Variants in SLIT1 observed in about 807,000 individuals in gnomAD.
SLIT1 encodes slit homolog 1 protein.
SLIT1 carries 66 observed loss-of-function variants against 186.1 expected under a neutral mutation model. That is an observed-to-expected ratio of 0.35 (90% CI 0.29 to 0.44). The LOEUF (loss-of-function observed/expected upper bound fraction) is 0.44. Among genes scored for constraint, SLIT1 ranks in the 20% least tolerant of loss-of-function variants. The probability of loss-of-function intolerance (pLI) is 1.00; values close to 1 mark genes in which losing one functional copy is unlikely to be tolerated. For synonymous variants in SLIT1, 761 were observed against 833.8 expected (o/e 0.91, Z 1.50); for missense variants, 1,638 against 2,037.4 (o/e 0.80, Z 3.77).
Position 97,056,309 on chromosome 10 carries a change from C to T in SLIT1, c.1301+12G>A, listed in dbSNP as rs1848835865. On this transcript the variant is annotated intron_variant, in intron 13 of 36. Transcript: ENST00000266058. ...CTGGGAGGGGAGAAGAAGAAGGCAT[C>T]AGGGCACTCACAGAGTCTGGATGGC... 1 of 1,613,684 alleles carries T rather than the reference C, an allele frequency of 6.2e-7. No homozygotes were observed. Among genetic ancestry groups the T allele is most frequent in the Admixed American group, 1.7e-5 (1 of 59,990 alleles).
chr10:97,000,741 T>G lies in SLIT1; in HGVS notation c.*371A>C. ...TGGGCCACAGGCCAAAGGGAAGGGTTGGTTTGGAAGGCTGTCATTTTTCTT... is the reference window on the plus strand; with the variant it reads ...TGGGCCACAGGCCAAAGGGAAGGGTGGGTTTGGAAGGCTGTCATTTTTCTT... On this transcript the variant is annotated 3_prime_UTR_variant, in exon 37 of 37. Coordinates refer to ENST00000266058, the MANE Select transcript of SLIT1 (RefSeq NM_003061.3). 5.0e-6 allele frequency: 1 copy of G among 201,230 alleles called. No individual in the cohort carries two copies. The highest frequency in any genetic ancestry group is 1.0e-5 in the Non-Finnish European group (1 of 99,398). 12.5% of individuals were successfully genotyped at this position (201,230 alleles called of 1,614,324 possible).
At chr10:97,113,984 G>A (rs540642106) in intron 4 of SLIT1, among the ~76,000 whole-genome samples, 4 of 152,264 alleles carry the variant, frequency 2.6e-5, no homozygotes, top group South Asian at 4.1e-4. Context: ...GGCATTGAGG[G>A]GAAGACATCC....
At chr10:97,014,406 T>C (rs1848437131) in intron 28 of SLIT1, among the ~76,000 whole-genome samples, 1 of 152,000 alleles carries the variant, frequency 6.6e-6, no homozygotes, top group African/African-American at 2.4e-5. Flanking sequence ...CAGGATGGTG[T>C]AAGCACTGAA....
chr10:97,004,603 T>C lies in SLIT1; in HGVS notation c.3710+90A>G, dbSNP rs1189024173. ...CTCAGGCAGCCCAGGTTTCTAGAGGTCTCGATAACCACCTGCTTTTGGCCC... is the reference window on the plus strand; with the variant it reads ...CTCAGGCAGCCCAGGTTTCTAGAGGCCTCGATAACCACCTGCTTTTGGCCC... On this transcript the variant is annotated intron_variant, in intron 33 of 36. Coordinates refer to ENST00000266058, the MANE Select transcript of SLIT1 (RefSeq NM_003061.3). This position sits in a 1 kb window ranked among gnomAD's most constrained non-coding sequence, Gnocchi z 5.1. 5.4e-6 allele frequency: 8 copies of C among 1,489,082 alleles called. No individual in the cohort carries two copies. Among genetic ancestry groups the C allele is most frequent in the Non-Finnish European group, 7.4e-6 (8 of 1,078,220 alleles). The allele number at this position is 1,489,082 out of a possible 1,614,324, so 92.2% of individuals were successfully genotyped here. A position where few individuals can be genotyped will look rare whatever the true frequency, so the allele number is the denominator to read the frequency against.
chr10:97,170,553 G>A (rs1239422468), intron 1 of SLIT1, among the ~76,000 whole-genome samples: 2 of 152,178 alleles, frequency 1.3e-5, no homozygotes, highest in Non-Finnish European at 2.9e-5. Context: ...TTCCCTGCAG[G>A]ACCCAGGAAG....
chr10:97,178,894 A>T (rs1589424245), intron 1 of SLIT1, among the ~76,000 whole-genome samples: 1 of 152,204 alleles, frequency 6.6e-6, no homozygotes, highest in African/African-American at 2.4e-5. Context: ...GTTTTTTAAA[A>T]TTTAACAAAA....
intron 21 of SLIT1, 123 bp downstream of exon 21, chr10:97,039,865 C>A: frequency 9.3e-7 from 1 of 1,076,240 alleles, no homozygotes; most frequent in Admixed American, 2.8e-5. Context: ...AGCTCCTAGT[C>A]AGCTAATGCC....
In SLIT1 at chr10:97,043,700, T is replaced by G. The variant is rs1848711083; in HGVS notation, c.1854-187A>C. Among the ~76,000 whole-genome samples, 1 of 151,900 alleles carries G rather than the reference T, an allele frequency of 6.6e-6. No homozygotes were observed. ...GCGAGTTTTACACACCTGTGCCCAC[T>G]CCAGACCCGCCCCCGCCTCTGAGAA... On this transcript the variant is annotated intron_variant, in intron 18 of 36. Coordinates refer to ENST00000266058, the MANE Select transcript of SLIT1 (RefSeq NM_003061.3). The surrounding 1 kb of genome is among the most constrained non-coding windows in gnomAD (Gnocchi z 7.0).
intron 4 of SLIT1, among the ~76,000 whole-genome samples, chr10:97,113,890 G>A (rs1471627183): frequency 6.6e-6 from 1 of 152,138 alleles, no homozygotes; most frequent in East Asian, 1.9e-4. Context: ...TCTTCCAAAG[G>A]GTGGCCTGAC....
chr10:97,173,499 T>C (rs1269575428), intron 1 of SLIT1, among the ~76,000 whole-genome samples: 11 of 148,190 alleles, frequency 7.4e-5, no homozygotes, highest in Admixed American at 6.7e-4. Flanking sequence ...CCATCCTTTT[T>C]TTTTTTTTTT....
chr10:97,173,997 G>A (rs180970262), intron 1 of SLIT1, among the ~76,000 whole-genome samples: 12 of 152,260 alleles, frequency 7.9e-5, no homozygotes, highest in East Asian at 7.7e-4. Flanking sequence ...CAATATCAGC[G>A]CTTCCTTCTG....
intron 1 of SLIT1, among the ~76,000 whole-genome samples, chr10:97,166,623 G>GAAAAAGAAAGAAAGAGAAA (rs3979552): frequency 2.3e-5 from 1 of 42,678 alleles, no homozygotes; most frequent in African/African-American, 9.6e-5. Flanking sequence ...AAGAAAGAAA[G>GAAAAAGAAAGAAAGAGAAA]AGAAAAGAAA....
At chr10:97,146,724 T>G (rs2134708776) in intron 4 of SLIT1, among the ~76,000 whole-genome samples, 2 of 152,294 alleles carry the variant, frequency 1.3e-5, no homozygotes, top group Middle Eastern at 6.8e-3. Flanking sequence ...TCCATGAAGC[T>G]GGAGCCCAGC....
In SLIT1 at chr10:97,000,811, ACTT is replaced by A; in HGVS notation, c.*298_*300del. On this transcript the variant is annotated 3_prime_UTR_variant, in exon 37 of 37. Coordinates refer to ENST00000266058, the MANE Select transcript of SLIT1 (RefSeq NM_003061.3). ...GTAAGGAGGGGTGTCATCGTTCTGC[ACTT>A]CTTGGCCTGACCTCACGCACACATT... is the stretch of plus-strand genomic sequence containing the variant. 5.4e-6 allele frequency: 2 copies of A among 367,954 alleles called. No homozygotes were observed. The highest frequency in any genetic ancestry group is 9.0e-5 in the South Asian group (2 of 22,202). The allele number at this position is 367,954 out of a possible 1,614,324, so 22.8% of individuals were successfully genotyped here.
Position 97,043,279 on chromosome 10 carries a change from C to T in SLIT1, c.1997+91G>A, listed in dbSNP as rs1564660340. 1 of 1,532,556 alleles carries T rather than the reference C, an allele frequency of 6.5e-7. No homozygotes were observed. The highest frequency in any genetic ancestry group is 2.3e-5 in the East Asian group (1 of 44,440). 94.9% of individuals were successfully genotyped at this position (1,532,556 alleles called of 1,614,324 possible). On this transcript the variant is annotated intron_variant, in intron 19 of 36. Coordinates refer to ENST00000266058, the MANE Select transcript of SLIT1 (RefSeq NM_003061.3). The surrounding 1 kb of genome is among the most constrained non-coding windows in gnomAD (Gnocchi z 7.0). ...CAGCAAACCACGAAGACCCAGCACC[C>T]CCAGGGTGAGCTCTTTCAAAGTGGC... is the stretch of plus-strand genomic sequence containing the variant.
intron 31 of SLIT1, among the ~76,000 whole-genome samples, chr10:97,008,849 T>C (rs1042614417): frequency 6.6e-6 from 1 of 151,562 alleles, no homozygotes; most frequent in East Asian, 1.9e-4. Context: ...CAAAACAATC[T>C]TTTTTTATTT....
intron 22 of SLIT1, among the ~76,000 whole-genome samples, chr10:97,037,355 C>T (rs1474333742): frequency 6.6e-6 from 1 of 152,110 alleles, no homozygotes; most frequent in African/African-American, 2.4e-5. Flanking sequence ...TCCGCCTCAG[C>T]CTCCCAAAGT....
chr10:97,103,176 G>A (rs1459059186), intron 4 of SLIT1: 2 of 152,302 alleles, frequency 1.3e-5, no homozygotes, highest in Non-Finnish European at 1.5e-5. Flanking sequence ...GTACATCAGG[G>A]AGTCCAAGAG....
In SLIT1 at chr10:97,018,586, G is replaced by A. The variant is rs760582973; in HGVS notation, c.2969C>T (p.Thr990Met). The change falls in exon 28 of 37, where the codon ACG becomes ATG. Residue 990 changes from threonine (T) to methionine (M), a missense_variant and splice_region_variant. Physicochemically the swap from Thr to Met is moderately conservative, Grantham distance 81 (BLOSUM62 -1). Around this residue, in one of 3 missense-constraint regions of SLIT1, gnomAD observed 1,245 missense variants for 1,535.3 expected, o/e 0.81. Transcript: ENST00000266058. ...GCTCCTGCCCCTCCAGGTAACTCACGTGAACGGGGCATCCTCGCCCTCCTG... is the reference window on the plus strand; with the variant it reads ...GCTCCTGCCCCTCCAGGTAACTCACATGAACGGGGCATCCTCGCCCTCCTG... ...HAQEGEDAPF[T>M]CSCPTGFEGP... 13 of 1,570,268 alleles carry A rather than the reference G, an allele frequency of 8.3e-6. No homozygotes were observed. The highest frequency in any genetic ancestry group is 4.1e-5 in the African/African-American group (3 of 73,990).
Sources: allele counts gnomAD v4.1 joint callset (sites outside exome capture counted in the v4.1 genomes callset), GRCh38; gene constraint gnomAD v4.1.1; regional missense constraint gnomAD v4.1.1; non-coding constraint Gnocchi (gnomAD v3.1); transcripts MANE v1.5; gene names NCBI Gene and HGNC (gene_info 2026-07-23, HGNC 2026-07-21).